Variants in RGPD8 observed in about 807,000 individuals in gnomAD.
RGPD8 encodes the protein RANBP2-like and GRIP domain-containing protein 8.
RGPD8 carries 15 observed loss-of-function variants against 89.1 expected under a neutral mutation model. That is an observed-to-expected ratio of 0.17 (90% CI 0.11 to 0.26). The LOEUF (loss-of-function observed/expected upper bound fraction) is 0.26, where lower values mean the gene tolerates loss of function less well. Among genes scored for constraint, RGPD8 ranks in the 10% least tolerant of loss-of-function variants. The probability of loss-of-function intolerance (pLI) is 1.00; values close to 1 mark genes in which losing one functional copy is unlikely to be tolerated. For synonymous variants in RGPD8, 62 were observed against 420.9 expected (o/e 0.15, Z 10.44); for missense variants, 178 against 1,179.6 (o/e 0.15, Z 12.44).
At chr2:112,410,969 C>T (rs1255086597) in intron 7 of RGPD8, among the ~76,000 whole-genome samples, 1 of 152,190 alleles carries the variant, frequency 6.6e-6, no homozygotes, top group Non-Finnish European at 1.5e-5. Flanking sequence ...CCTGTAATCC[C>T]AGCTACTCGG....
At chr2:112,414,478 A>G (rs1222185372) in intron 6 of RGPD8, among the ~76,000 whole-genome samples, 1 of 110,546 alleles carries the variant, frequency 9.0e-6, no homozygotes, top group Non-Finnish European at 1.9e-5. Flanking sequence ...ACTCCGTCTC[A>G]AAAAAAAAAA....
intron 6 of RGPD8, among the ~76,000 whole-genome samples, chr2:112,415,388 C>T (rs1359062280): frequency 1.3e-5 from 2 of 151,268 alleles, no homozygotes; most frequent in Non-Finnish European, 2.9e-5. Flanking sequence ...CACCCACAGC[C>T]CTAAGCCACA....
intron 2 of RGPD8, 96 bp downstream of exon 2, chr2:112,424,144 G>A (rs1418819961): frequency 1.5e-6 from 2 of 1,373,744 alleles, no homozygotes; most frequent in Non-Finnish European, 2.0e-6. Flanking sequence ...CACTTAGGAA[G>A]AACTACTAAG....
chr2:112,428,785 A>C (rs1239494527), intron 1 of RGPD8, among the ~76,000 whole-genome samples: 2 of 152,194 alleles, frequency 1.3e-5, no homozygotes, highest in Non-Finnish European at 2.9e-5. Flanking sequence ...TAAATTGCTG[A>C]GTTTAAGTAA....
intron 1 of RGPD8, among the ~76,000 whole-genome samples, chr2:112,428,640 G>A (rs1679880289): frequency 6.6e-6 from 1 of 151,470 alleles, no homozygotes; most frequent in Non-Finnish European, 1.5e-5. Flanking sequence ...GTAGCAAAGA[G>A]GAAGAAAAAC....
intron 22 of RGPD8, among the ~76,000 whole-genome samples, chr2:112,373,059 T>C (rs1434151646): frequency 6.8e-6 from 1 of 147,390 alleles, no homozygotes; most frequent in African/African-American, 2.7e-5. Flanking sequence ...CCAGCTTTAG[T>C]AGTAAAATTG....
rs1434032026 is a variant in RGPD8 at position 112,390,264 on chromosome 2, G to C, written c.2698-17C>G. The stretch of plus-strand genomic sequence containing the variant: ...AGAAGAACCCTGAAACATAAATGAA[G>C]GTGAATTTTCTTGATCCACATGCCC... On this transcript the variant is annotated splice_polypyrimidine_tract_variant and intron_variant, in intron 19 of 22. Transcript: ENST00000302558. 14 of 1,510,626 alleles carry C rather than the reference G, an allele frequency of 9.3e-6. No homozygotes were observed. The highest frequency in any genetic ancestry group is 1.6e-5 in the African/African-American group (1 of 63,892). 93.6% of individuals were successfully genotyped at this position (1,510,626 alleles called of 1,614,324 possible). A position where few individuals can be genotyped will look rare whatever the true frequency, so the allele number is the denominator to read the frequency against.
chr2:112,411,397 T>G (rs1262631032), intron 7 of RGPD8, among the ~76,000 whole-genome samples: 7 of 138,002 alleles, frequency 5.1e-5, no homozygotes, highest in Non-Finnish European at 7.7e-5. Context: ...TGAAACCCCG[T>G]CTCTACTAAA....
In RGPD8 at chr2:112,433,418, G is replaced by A. The variant is rs768540027; in HGVS notation, c.36C>T (p.Val12=). 6.2e-7 allele frequency: 1 copy of A among 1,610,372 alleles called. No individual in the cohort carries two copies. Among genetic ancestry groups the A allele is most frequent in the South Asian group, 1.1e-5 (1 of 90,952 alleles). ...ACGGGGTGAGACCCAGCACCGAGGCGACGTACCGCTCCACATCGGCCTTGC... is the reference window on the plus strand; with the variant it reads ...ACGGGGTGAGACCCAGCACCGAGGCAACGTACCGCTCCACATCGGCCTTGC... ...RRSKADVERY[V]ASVLGLTPSP... Residue 12 remains valine (V), a synonymous_variant, in exon 1 of 23, where the codon GTC becomes GTT. Coordinates refer to ENST00000302558, the MANE Select transcript of RGPD8 (RefSeq NM_001164463.1).
rs1678279050 is a variant in RGPD8 at position 112,380,906 on chromosome 2, GA to G, written c.4978del (p.Ser1660ProfsTer9). 7.9e-7 allele frequency: 1 copy of G among 1,261,482 alleles called. No individual in the cohort carries two copies. Among genetic ancestry groups the G allele is most frequent in the African/African-American group, 1.5e-5 (1 of 66,196 alleles). 78.1% of individuals were successfully genotyped at this position (1,261,482 alleles called of 1,614,324 possible). Reference protein sequence around the residue: ...TKEELVQKLRSTTKSADHLNG... With the variant: ...TKEELVQKLRXTTKSADHLNG... ...TAAGTGATCTGCACTTTTTGTGGTG[GA>G]ACGGAGCTTCTGAACCAATTCTTCT... On this transcript the variant is annotated frameshift_variant, in exon 21 of 23. Transcript: ENST00000302558. LOFTEE classifies it high-confidence loss of function.
At chr2:112,379,563 C>A (rs1678210583) in intron 21 of RGPD8, among the ~76,000 whole-genome samples, 2 of 146,094 alleles carry the variant, frequency 1.4e-5, no homozygotes, top group Admixed American at 6.9e-5. Context: ...CCACTGCACT[C>A]CAAACCTGGT....
intron 1 of RGPD8, among the ~76,000 whole-genome samples, chr2:112,429,667 A>T (rs1225854546): frequency 8.7e-4 from 133 of 152,238 alleles, no homozygotes; most frequent in Non-Finnish European, 1.5e-3. Context: ...CTAAAAAACA[A>T]ATAAATAAAA....
chr2:112,373,469 C>T (rs1678022442), intron 22 of RGPD8, among the ~76,000 whole-genome samples: 2 of 152,286 alleles, frequency 1.3e-5, no homozygotes, highest in African/African-American at 4.8e-5. Context: ...CAAATACACC[C>T]AAACCCACAG....
At chr2:112,408,663 T>C (rs1679038323) in intron 7 of RGPD8, among the ~76,000 whole-genome samples, 1 of 152,116 alleles carries the variant, frequency 6.6e-6, no homozygotes, top group Non-Finnish European at 1.5e-5. Context: ...TCATCTCAAT[T>C]CACTATTTCC....
At chr2:112,371,686 A>G (rs1007545019) in intron 22 of RGPD8, among the ~76,000 whole-genome samples, 2 of 67,800 alleles carry the variant, frequency 2.9e-5, no homozygotes, top group Admixed American at 1.8e-4. Context: ...TTTAAAGTGC[A>G]TAATTCACTG....
intron 1 of RGPD8, among the ~76,000 whole-genome samples, chr2:112,427,864 ATCT>A (rs1420035137): frequency 1.3e-5 from 2 of 152,118 alleles, no homozygotes; most frequent in East Asian, 3.8e-4. Context: ...GAGTTCCCCA[ATCT>A]TCTTCCCCTG....
chr2:112,429,014 A>T (rs1189431598), intron 1 of RGPD8, among the ~76,000 whole-genome samples: 1 of 152,066 alleles, frequency 6.6e-6, no homozygotes, highest in Non-Finnish European at 1.5e-5. Flanking sequence ...TTCTATTTAT[A>T]TAAATGTTAA....
intron 22 of RGPD8, among the ~76,000 whole-genome samples, chr2:112,373,200 T>TG: frequency 6.6e-6 from 1 of 152,080 alleles, no homozygotes; most frequent in Non-Finnish European, 1.5e-5. Context: ...TTAATGCGTG[T>TG]GGGGGCAGGG....
chr2:112,415,136 C>G (rs1485427514), intron 6 of RGPD8, among the ~76,000 whole-genome samples: 1 of 150,056 alleles, frequency 6.7e-6, no homozygotes, highest in East Asian at 1.9e-4. Context: ...GTAATCCCAA[C>G]ACTTCGGGAG....
Sources: gnomAD v4.1 joint callset for allele counts (sites outside exome capture counted in the v4.1 genomes callset) on GRCh38, gnomAD v4.1.1 for gene constraint, MANE v1.5 for transcripts, NCBI Gene and HGNC (gene_info 2026-07-23, HGNC 2026-07-21) for gene names.